MAN1C1: variants seen among roughly 807,000 people sequenced by gnomAD.
The protein encoded by MAN1C1 is mannosyl-oligosaccharide 1,2-alpha-mannosidase IC.
In MAN1C1, 49 loss-of-function variants were observed where a neutral mutation model predicts 71.5. The observed-to-expected ratio is 0.69, with a 90% confidence interval of 0.54 to 0.87. MAN1C1 has a LOEUF of 0.87. Ranked by LOEUF, MAN1C1 falls within the 40% of genes least tolerant of loss-of-function variation. MAN1C1 has a pLI of 0.00. For missense variants in MAN1C1, 743 were observed against 835.0 expected (o/e 0.89, Z 1.36); for synonymous variants, 352 against 343.7 (o/e 1.02, Z -0.27).
In MAN1C1 at chr1:25,618,036, C is replaced by T. The variant is rs1311687347; in HGVS notation, c.239C>T (p.Pro80Leu). Reference sequence around the variant, plus strand: ...CATGCCCCGGCCCGCGAGCAGGAGCCGCCTCCCAACCCGGCCCCCGCCGCG... The same window carrying T: ...CATGCCCCGGCCCGCGAGCAGGAGCTGCCTCCCAACCCGGCCCCCGCCGCG... ...AGHAPAREQE[P>L]PPNPAPAAPA... The change falls in exon 1 of 12, where the codon CCG (proline) becomes CTG (leucine). Residue 80 changes from proline to leucine, a missense_variant. Pro to Leu is a moderately conservative substitution (Grantham distance 98). Transcript: ENST00000374332. The T allele has an allele frequency of 1.9e-6, 3 of 1,588,224 alleles. No homozygotes were observed. The highest frequency in any genetic ancestry group is 2.6e-6 in the Non-Finnish European group (3 of 1,171,016).
Position 25,753,057 on chromosome 1 carries a change from G to A in MAN1C1, c.835-427G>A, listed in dbSNP as rs1018646124. Among the ~76,000 whole-genome samples, 1 of 152,114 alleles carries A rather than the reference G, an allele frequency of 6.6e-6. No homozygotes were observed. The highest frequency in any genetic ancestry group is 1.5e-5 in the Non-Finnish European group (1 of 68,026). The stretch of plus-strand genomic sequence containing the variant: ...GCAGTGTGGGCAGGCATTGACCTTT[G>A]GAGACCGGCCCGTCTCTGCCAGGTC... On this transcript the variant is annotated intron_variant, in intron 4 of 11. Transcript: ENST00000374332. The surrounding 1 kb of genome is among the most constrained non-coding windows in gnomAD (Gnocchi z 4.9).
Position 25,780,210 on chromosome 1 carries a change from G to A in MAN1C1, c.1478-730G>A, listed in dbSNP as rs577039263. On this transcript the variant is annotated intron_variant, in intron 9 of 11. Transcript: ENST00000374332. The stretch of plus-strand genomic sequence containing the variant: ...AATAGTGTATTAAAGCACCCAGCAC[G>A]GCCTTTGAAATCATAAATAGTGGCT... Among the ~76,000 whole-genome samples, 110 of 152,258 alleles carry A rather than the reference G, an allele frequency of 7.2e-4. 1 individual carries two copies. The highest frequency in any genetic ancestry group is 2.5e-3 in the African/African-American group (102 of 41,546).
chr1:25,743,191 C>T (rs1280821353), intron 2 of MAN1C1, among the ~76,000 whole-genome samples: 1 of 152,150 alleles, frequency 6.6e-6, no homozygotes, highest in Admixed American at 6.5e-5. Flanking sequence ...CATTTGAACG[C>T]GGGGCTGCTG....
At chr1:25,742,661 T>A (rs1220638344) in intron 2 of MAN1C1, among the ~76,000 whole-genome samples, 1 of 152,190 alleles carries the variant, frequency 6.6e-6, no homozygotes, top group Non-Finnish European at 1.5e-5. Context: ...AGGAGCCTTA[T>A]GAGGCAGGTC....
intron 2 of MAN1C1, among the ~76,000 whole-genome samples, chr1:25,688,557 A>G (rs1228903789): frequency 1.3e-5 from 2 of 152,222 alleles, no homozygotes; most frequent in African/African-American, 2.4e-5. Context: ...AAAATTCCTC[A>G]GGGCCTGGGA....
intron 2 of MAN1C1, among the ~76,000 whole-genome samples, chr1:25,690,891 T>C (rs1431107210): frequency 6.6e-6 from 1 of 152,084 alleles, no homozygotes; most frequent in Non-Finnish European, 1.5e-5. Context: ...CATGGCAGAG[T>C]CAGGGGAGGC....
At chr1:25,667,614 G>A (rs894863876) in intron 1 of MAN1C1, among the ~76,000 whole-genome samples, 3 of 151,346 alleles carry the variant, frequency 2.0e-5, no homozygotes, top group East Asian at 1.9e-4. Flanking sequence ...ATTGTTCTTC[G>A]GCATTCTATT....
At chr1:25,709,920 A>G (rs1267454365) in intron 2 of MAN1C1, 1 of 151,856 alleles carries the variant, frequency 6.6e-6, no homozygotes, top group Non-Finnish European at 1.5e-5. Context: ...TAATTTTTGT[A>G]TTTTTAGTAG....
At chr1:25,638,688 CCAAAGATGT>C (rs2045497742) in intron 1 of MAN1C1, among the ~76,000 whole-genome samples, 1 of 152,048 alleles carries the variant, frequency 6.6e-6, no homozygotes, top group Non-Finnish European at 1.5e-5. Context: ...TTTCTTTACG[CCAAAGATGT>C]CATTCCATTG....
intron 1 of MAN1C1, 85 bp downstream of exon 1, chr1:25,618,422 G>A: frequency 2.2e-6 from 3 of 1,344,662 alleles, no homozygotes; most frequent in Non-Finnish European, 3.0e-6. Flanking sequence ...CCTTTCCCTT[G>A]CCTCAGTCAC....
chr1:25,680,657 T>C (rs1272162847), intron 1 of MAN1C1, among the ~76,000 whole-genome samples: 1 of 152,254 alleles, frequency 6.6e-6, no homozygotes, highest in Non-Finnish European at 1.5e-5. Context: ...CATTCCTTTT[T>C]CCATCTGAAT....
At chr1:25,765,919 G>A (rs1168243489) in intron 7 of MAN1C1, among the ~76,000 whole-genome samples, 1 of 152,176 alleles carries the variant, frequency 6.6e-6, no homozygotes, top group East Asian at 1.9e-4. Context: ...AAAAGTACGG[G>A]GAGAAAATGA....
At chr1:25,640,632 A>G (rs377161604) in intron 1 of MAN1C1, among the ~76,000 whole-genome samples, 27 of 152,192 alleles carry the variant, frequency 1.8e-4, no homozygotes, top group African/African-American at 5.5e-4. Context: ...GATTATAAGG[A>G]AACCCTTTGT....
rs2047610615 is a variant in MAN1C1 at position 25,775,741 on chromosome 1, G to A, written c.1258-2364G>A. ...CTGGAGCATGCAGGAAGGAGGCGCA[G>A]CACCAGCTAAGCCCCGAAGCAGGAA... On this transcript the variant is annotated intron_variant, in intron 8 of 11. Coordinates refer to ENST00000374332, the MANE Select transcript of MAN1C1 (RefSeq NM_020379.4). This position sits in a 1 kb window ranked among gnomAD's most constrained non-coding sequence, Gnocchi z 5.1. 6.6e-6 allele frequency among the ~76,000 whole-genome samples: 1 copy of A among 152,146 alleles called. No individual in the cohort carries two copies. The highest frequency in any genetic ancestry group is 1.5e-5 in the Non-Finnish European group (1 of 68,022).
At chr1:25,655,597 C>T (rs894508813) in intron 1 of MAN1C1, among the ~76,000 whole-genome samples, 5 of 152,154 alleles carry the variant, frequency 3.3e-5, no homozygotes, top group Admixed American at 6.5e-5. Context: ...ATGTCTGGGG[C>T]AGAGTCTAGC....
chr1:25,718,817 A>G (rs1446903480), intron 2 of MAN1C1, among the ~76,000 whole-genome samples: 1 of 152,098 alleles, frequency 6.6e-6, no homozygotes, highest in Non-Finnish European at 1.5e-5. Context: ...CATCTTATTT[A>G]TTCATTTATC....
At chr1:25,658,064 G>A (rs918226016) in intron 1 of MAN1C1, among the ~76,000 whole-genome samples, 1 of 152,230 alleles carries the variant, frequency 6.6e-6, no homozygotes, top group Non-Finnish European at 1.5e-5. Context: ...GCCTTGACCT[G>A]TCTGAAGATG....
chr1:25,752,728 G>A (rs1260320613), intron 4 of MAN1C1, among the ~76,000 whole-genome samples: 1 of 152,252 alleles, frequency 6.6e-6, no homozygotes, highest in Non-Finnish European at 1.5e-5. Context: ...CTGAGCCTCA[G>A]GCAGGGGCCG....
intron 1 of MAN1C1, among the ~76,000 whole-genome samples, chr1:25,650,795 A>T (rs969876776): frequency 2.0e-5 from 3 of 152,128 alleles, no homozygotes; most frequent in South Asian, 2.1e-4. Context: ...AGTAAATATC[A>T]ATTTAGTCCT....
Sources: allele counts gnomAD v4.1 joint callset (sites outside exome capture counted in the v4.1 genomes callset), GRCh38; gene constraint gnomAD v4.1.1; non-coding constraint Gnocchi (gnomAD v3.1); transcripts MANE v1.5; gene names NCBI Gene and HGNC (gene_info 2026-07-23, HGNC 2026-07-21).